Variants in FAM120B observed in about 807,000 individuals in gnomAD.
FAM120B encodes constitutive coactivator of peroxisome proliferator-activated receptor gamma.
In FAM120B, 83 loss-of-function variants were observed where a neutral mutation model predicts 96.3. The ratio of observed to expected loss-of-function variants is 0.86; its 90% CI spans 0.72 to 1.03. FAM120B has a LOEUF of 1.03. Ranked by LOEUF, FAM120B falls within the 50% of genes least tolerant of loss-of-function variation. The probability of loss-of-function intolerance (pLI) is 0.00; values close to 1 mark genes in which losing one functional copy is unlikely to be tolerated. For synonymous variants in FAM120B, 407 were observed against 402.7 expected (o/e 1.01, Z -0.13); for missense variants, 1,027 against 1,121.2 (o/e 0.92, Z 1.20).
intron 4 of FAM120B, among the ~76,000 whole-genome samples, chr6:170,332,503 G>A (rs984833486): frequency 1.3e-5 from 2 of 152,150 alleles, no homozygotes; most frequent in South Asian, 2.1e-4. Flanking sequence ...TTTGACACCC[G>A]CCTGGCTAAC....
intron 9 of FAM120B, among the ~76,000 whole-genome samples, chr6:170,397,968 GCTTAC>G (rs1778274432): frequency 8.1e-6 from 1 of 123,202 alleles, no homozygotes; most frequent in African/African-American, 2.9e-5. Context: ...GAGACCTTCT[GCTTAC>G]CCTCTTTGGC....
chr6:170,290,846 A>G, upstream of FAM120B: 2 of 639,814 alleles, frequency 3.1e-6, no homozygotes, highest in Non-Finnish European at 5.6e-6. This position sits in a 1 kb window ranked among gnomAD's most constrained non-coding sequence, Gnocchi z 4.7. Flanking sequence ...CCGTGGGAGG[A>G]GGCTCTGCGC....
chr6:170,349,713 A>T (rs564239297), intron 5 of FAM120B, among the ~76,000 whole-genome samples: 1 of 152,326 alleles, frequency 6.6e-6, no homozygotes, highest in African/African-American at 2.4e-5. Flanking sequence ...AAGAGAGGAG[A>T]TGAATCCAAG....
At chr6:170,389,271 T>C (rs974712458) in intron 7 of FAM120B, among the ~76,000 whole-genome samples, 1 of 152,188 alleles carries the variant, frequency 6.6e-6, no homozygotes, top group African/African-American at 2.4e-5. Context: ...AGTAATTTTA[T>C]ACAGTATTAT....
intron 6 of FAM120B, among the ~76,000 whole-genome samples, chr6:170,382,451 C>T (rs1184295153): frequency 6.6e-6 from 1 of 152,008 alleles, no homozygotes; most frequent in East Asian, 1.9e-4. Context: ...TTCAGCAAGG[C>T]CTCAAGCTAC....
At chr6:170,385,113 A>G (rs1790116739) in intron 6 of FAM120B, among the ~76,000 whole-genome samples, 1 of 152,248 alleles carries the variant, frequency 6.6e-6, no homozygotes, top group East Asian at 1.9e-4. Context: ...GCTTCAGCAA[A>G]TTTCAAACAA....
Position 170,394,468 on chromosome 6 carries a change from G to A in FAM120B, c.2600-1019G>A, listed in dbSNP as rs1481699918. Among the ~76,000 whole-genome samples, 3 of 150,672 alleles carry A rather than the reference G, an allele frequency of 2.0e-5. No homozygotes were observed. The East Asian group carries it at 6.2e-4, about 31-fold the overall frequency. ...GGACACCGCAGCATGCCAGCACAAGGCCACGCCTCCGTGGACACCGCAGCA... is the reference window on the plus strand; with the variant it reads ...GGACACCGCAGCATGCCAGCACAAGACCACGCCTCCGTGGACACCGCAGCA... On this transcript the variant is annotated intron_variant, in intron 8 of 10. Transcript: ENST00000476287.
At chr6:170,361,212 A>ATATATATATATATACACG (rs1788380126) in intron 6 of FAM120B, among the ~76,000 whole-genome samples, 3 of 101,614 alleles carry the variant, frequency 3.0e-5, no homozygotes, top group Non-Finnish European at 5.8e-5. Context: ...ATATATATAT[A>ATATATATATATATACACG]TATATATATA....
At chr6:170,353,314 C>T (rs1438911628) in intron 5 of FAM120B, among the ~76,000 whole-genome samples, 3 of 152,072 alleles carry the variant, frequency 2.0e-5, no homozygotes, top group Non-Finnish European at 4.4e-5. Flanking sequence ...TGAATTCTAC[C>T]AGAGGTACAA....
intron 6 of FAM120B, among the ~76,000 whole-genome samples, chr6:170,384,251 A>G (rs1790072388): frequency 6.6e-6 from 1 of 152,216 alleles, no homozygotes; most frequent in South Asian, 2.1e-4. Context: ...TGTGGATGGC[A>G]CTGATGCCAG....
At chr6:170,335,947 G>A (rs1439766049) in intron 4 of FAM120B, among the ~76,000 whole-genome samples, 1 of 152,010 alleles carries the variant, frequency 6.6e-6, no homozygotes, top group African/African-American at 2.4e-5. Flanking sequence ...CTGGATATTA[G>A]CCCTTTGTCA....
chr6:170,361,775 T>TAGGATTTAAGTTAGAA (rs1220184878), intron 6 of FAM120B, among the ~76,000 whole-genome samples: 3 of 152,152 alleles, frequency 2.0e-5, no homozygotes, highest in Non-Finnish European at 4.4e-5. Flanking sequence ...TAGATGTATG[T>TAGGATTTAAGTTAGAA]AGGATTTAAG....
In FAM120B at chr6:170,323,092, A is replaced by G; in HGVS notation, c.1748A>G (p.His583Arg). The change falls in exon 3 of 11, where the codon CAT becomes CGT. Residue 583 changes from histidine to arginine, a missense_variant. Around this residue, in one of 3 missense-constraint regions of FAM120B, gnomAD observed 880 missense variants for 980.9 expected, o/e 0.90. Coordinates refer to ENST00000476287, the MANE Select transcript of FAM120B (RefSeq NM_032448.3). ...DTEILKVART[H>R]HVQAESYLVY... Reference sequence around the variant, plus strand: ...AATTTCAAACAGGTTGCTAGAACACATCACGTCCAAGCAGAAAGCTACCTG... The same window carrying G: ...AATTTCAAACAGGTTGCTAGAACACGTCACGTCCAAGCAGAAAGCTACCTG... The G allele has an allele frequency of 6.2e-7, 1 of 1,612,802 alleles. No individual in the cohort carries two copies. Among genetic ancestry groups the G allele is most frequent in the Non-Finnish European group, 8.5e-7 (1 of 1,179,458 alleles).
chr6:170,312,035 G>A (rs984772992), intron 1 of FAM120B, among the ~76,000 whole-genome samples: 20 of 152,268 alleles, frequency 1.3e-4, no homozygotes, highest in Non-Finnish European at 8.8e-5. Flanking sequence ...AAGAACTTAC[G>A]TCCACGTTGT....
chr6:170,401,570 C>A (rs951162328), intron 9 of FAM120B, among the ~76,000 whole-genome samples: 16 of 151,996 alleles, frequency 1.1e-4, no homozygotes, highest in Admixed American at 1.0e-3. Flanking sequence ...CCAGGACAGG[C>A]ACCGCCAGTA....
rs1208492346 is a variant in FAM120B, at chr6:170,363,077, G to A, written c.2283+4759G>A. On this transcript the variant is annotated intron_variant, in intron 6 of 10. Coordinates refer to ENST00000476287, the MANE Select transcript of FAM120B (RefSeq NM_032448.3). The surrounding 1 kb of genome is among the most constrained non-coding windows in gnomAD (Gnocchi z 4.5). ...TTTGCCCCATCAGTTTATCTTTGCC[G>A]TGTCAGGGCTCTGAAAGCCACAAAA... Among the ~76,000 whole-genome samples the A allele has an allele frequency of 1.3e-5, 2 of 152,032 alleles. No individual in the cohort carries two copies. The highest frequency in any genetic ancestry group is 4.8e-5 in the African/African-American group (2 of 41,394).
intron 6 of FAM120B, among the ~76,000 whole-genome samples, chr6:170,368,833 C>T (rs1038219656): frequency 6.7e-6 from 1 of 150,208 alleles, no homozygotes. Flanking sequence ...GGGGGGGGCT[C>T]CCTCCTGGCT....
intron 6 of FAM120B, among the ~76,000 whole-genome samples, chr6:170,381,456 AAAG>A (rs1185844476): frequency 2.0e-5 from 3 of 152,230 alleles, no homozygotes; most frequent in African/African-American, 7.2e-5. Context: ...CCATATGTTT[AAAG>A]AAGAATTAAT....
At chr6:170,328,090 T>C (rs774276112) in intron 3 of FAM120B, among the ~76,000 whole-genome samples, 1 of 152,232 alleles carries the variant, frequency 6.6e-6, no homozygotes, top group African/African-American at 2.4e-5. Context: ...TTTTTTACTT[T>C]ATAAACTTTT....
Sources: allele counts gnomAD v4.1 joint callset (sites outside exome capture counted in the v4.1 genomes callset), GRCh38; gene constraint gnomAD v4.1.1; regional missense constraint gnomAD v4.1.1; non-coding constraint Gnocchi (gnomAD v3.1); transcripts MANE v1.5; gene names NCBI Gene and HGNC (gene_info 2026-07-23, HGNC 2026-07-21).